The following BRWD1 variants were observed in gnomAD, a reference collection of about 807,000 sequenced individuals.
BRWD1 encodes bromodomain and WD repeat-containing protein 1.
A neutral mutation model predicts 251.2 loss-of-function variants in BRWD1; 82 were observed. The ratio of observed to expected loss-of-function variants is 0.33; its 90% CI spans 0.27 to 0.39. The LOEUF (loss-of-function observed/expected upper bound fraction) is 0.39. Ranked by LOEUF, BRWD1 falls within the 10% of genes least tolerant of loss-of-function variation. The pLI, the probability that BRWD1 is intolerant of heterozygous loss-of-function variation, is 1.00. For missense variants in BRWD1, 2,233 were observed against 2,711.6 expected (o/e 0.82, Z 3.92); for synonymous variants, 918 against 902.8 (o/e 1.02, Z -0.30).
At chr21:39,254,711 TGAA>T (rs1167845019) in intron 19 of BRWD1, among the ~76,000 whole-genome samples, 3 of 152,222 alleles carry the variant, frequency 2.0e-5, no homozygotes, top group African/African-American at 4.8e-5. Context: ...AGATAATAAA[TGAA>T]GAAGTTTTCA....
chr21:39,207,049 T>TATAC, intron 36 of BRWD1, among the ~76,000 whole-genome samples: 1 of 152,358 alleles, frequency 6.6e-6, no homozygotes, highest in Middle Eastern at 3.4e-3. Flanking sequence ...ATGCTTCTCA[T>TATAC]ATACATATAT....
intron 23 of BRWD1, chr21:39,235,629 GA>G: frequency 4.5e-6 from 1 of 222,264 alleles, no homozygotes. Flanking sequence ...ATCTCTAGGA[GA>G]AAAACTCCCC....
In BRWD1 at chr21:39,293,918, T is replaced by C. The variant is rs1430177201; in HGVS notation, c.724A>G (p.Met242Val). Residue 242 changes from methionine (M) to valine (V), a missense_variant, in exon 8 of 41, where the codon ATG becomes GTG. Physicochemically the swap from Met to Val is conservative, Grantham distance 21. This residue lies in a region of BRWD1 where 185 missense variants were observed against 260.6 expected (regional missense o/e 0.71). Coordinates refer to ENST00000342449, the MANE Select transcript of BRWD1 (RefSeq NM_033656.4). ...TTATCACAGCTCCCCGCAGCAATCA[T>C]TGTATTCTCATAGTTTACTGCCATA... ...SDMAVNYENTMIAAGSCDKII... is the reference protein window; with the variant it reads ...SDMAVNYENTVIAAGSCDKII... 3.7e-6 allele frequency: 6 copies of C among 1,614,072 alleles called. No individual in the cohort carries two copies. The highest frequency in any genetic ancestry group is 2.2e-5 in the South Asian group (2 of 91,088).
At chr21:39,292,722 G>C (rs1468870742) in intron 8 of BRWD1, among the ~76,000 whole-genome samples, 3 of 127,276 alleles carry the variant, frequency 2.4e-5, no homozygotes, top group Non-Finnish European at 5.1e-5. Flanking sequence ...AGATAACCTA[G>C]GTCCTTCAAC....
At chr21:39,254,589 A>C (rs140963736) in intron 19 of BRWD1, among the ~76,000 whole-genome samples, 2 of 152,226 alleles carry the variant, frequency 1.3e-5, no homozygotes, top group East Asian at 3.9e-4. Flanking sequence ...TTTGAGGGGA[A>C]ATAAAGCAAA....
intron 32 of BRWD1, 129 bp from the exon 33 acceptor site, chr21:39,213,682 G>T: frequency 3.6e-6 from 2 of 559,178 alleles, no homozygotes; most frequent in Non-Finnish European, 6.1e-6. Flanking sequence ...AGGAATATCA[G>T]GTTTTCCCCC....
intron 27 of BRWD1, among the ~76,000 whole-genome samples, chr21:39,227,461 A>G (rs537339830): frequency 6.6e-6 from 1 of 152,126 alleles, no homozygotes; most frequent in Admixed American, 6.5e-5. Context: ...ATATCCTGAG[A>G]TTAATAATCT....
At chr21:39,278,713 AC>A in intron 10 of BRWD1, 29 bp downstream of exon 10, 1 of 1,520,834 alleles carries the variant, frequency 6.6e-7, no homozygotes, top group Non-Finnish European at 8.8e-7. Flanking sequence ...AAAAAAAAAA[AC>A]TAAGAAAAAA....
rs73359568 is a variant in BRWD1 at position 39,293,624 on chromosome 21, T to A, written c.831+187A>T. Among the ~76,000 whole-genome samples, 463 of 152,360 alleles carry A rather than the reference T, an allele frequency of 3.0e-3. 6 individuals are homozygous for A. The highest frequency in any genetic ancestry group is 0.011 in the African/African-American group (454 of 41,592). On this transcript the variant is annotated intron_variant, in intron 8 of 40. Transcript: ENST00000342449. ...CCCAAAATATCAATAAGCCTTCATG[T>A]AAATATGCATTAGATCTTCATTTCA...
rs2034868729 is a variant in BRWD1 at position 39,264,791 on chromosome 21, C to T, written c.1659+100G>A. On this transcript the variant is annotated intron_variant, in intron 16 of 40. Coordinates refer to ENST00000342449, the MANE Select transcript of BRWD1 (RefSeq NM_033656.4). ...CTAGAAAAACAAGGAAATCAAATCA[C>T]TCAGCTAAACTGTTTCCAAAACATA... The T allele has an allele frequency of 1.3e-5, 20 of 1,523,266 alleles. No homozygotes were observed. The South Asian group carries it at 2.4e-4, about 18-fold the overall frequency. 94.4% of individuals were successfully genotyped at this position (1,523,266 alleles called of 1,614,324 possible). A position where few individuals can be genotyped will look rare whatever the true frequency, so the allele number is the denominator to read the frequency against.
chr21:39,255,588 C>T, intron 19 of BRWD1, 57 bp downstream of exon 19: 1 of 1,397,932 alleles, frequency 7.2e-7, no homozygotes, highest in South Asian at 1.2e-5. Flanking sequence ...GTGTAAATAA[C>T]CATATAAATA....
chr21:39,279,122 A>C (rs1307775719), intron 9 of BRWD1, among the ~76,000 whole-genome samples: 1 of 152,222 alleles, frequency 6.6e-6, no homozygotes, highest in Non-Finnish European at 1.5e-5. Flanking sequence ...CAAATTAATC[A>C]TATTTCCTTT....
In BRWD1 at chr21:39,194,545, A is replaced by G. The variant is rs1301494748; in HGVS notation, c.*1714T>C. The G allele has an allele frequency of 6.9e-7, 1 of 1,442,248 alleles. No individual in the cohort carries two copies. Among genetic ancestry groups the G allele is most frequent in the Non-Finnish European group, 9.1e-7 (1 of 1,104,308 alleles). The allele number at this position is 1,442,248 out of a possible 1,614,324, so 89.3% of individuals were successfully genotyped here. ...GATAGCTCTCTAAGCCACAAATGAG[A>G]GGAGGTTTCCCACCTATCTCAGTTG... On this transcript the variant is annotated 3_prime_UTR_variant, in exon 41 of 41. Coordinates refer to ENST00000342449, the MANE Select transcript of BRWD1 (RefSeq NM_033656.4).
At position 39,276,175 on chromosome 21, in the gene BRWD1, A is replaced by T; in HGVS notation, c.1143T>A (p.Asp381Glu). ...VDSIQFCNNG[D>E]RFLSGSRDGT... ...ACACATACAAAACACACACTTACCG[A>T]TCACCATTGTTACAAAATTGGATAC... Residue 381 changes from aspartate (D) to glutamate (E), a missense_variant and splice_region_variant, in exon 12 of 41, where the codon GAT becomes GAA. Around this residue, in one of 12 missense-constraint regions of BRWD1, gnomAD observed 315 missense variants for 421.8 expected, o/e 0.75. Coordinates refer to ENST00000342449, the MANE Select transcript of BRWD1 (RefSeq NM_033656.4). The T allele has an allele frequency of 6.2e-7, 1 of 1,607,824 alleles. No homozygotes were observed. Among genetic ancestry groups the T allele is most frequent in the Non-Finnish European group, 8.5e-7 (1 of 1,176,286 alleles).
At chr21:39,254,522 A>AAC (rs1437457800) in intron 19 of BRWD1, among the ~76,000 whole-genome samples, 2 of 152,198 alleles carry the variant, frequency 1.3e-5, no homozygotes, top group African/African-American at 4.8e-5. Context: ...TATACATTAA[A>AAC]ACACACACAC....
At chr21:39,278,253 T>C (rs1334276713) in intron 10 of BRWD1, among the ~76,000 whole-genome samples, 1 of 152,168 alleles carries the variant, frequency 6.6e-6, no homozygotes, top group Non-Finnish European at 1.5e-5. Context: ...CAATTCTACA[T>C]ACCTAACCCT....
In BRWD1 at chr21:39,188,647, C is replaced by T; in HGVS notation, c.*7612G>A. ...TGTTCATACAGCTAGACTAATGAGGCAGGCCTCTGCCCTCACAGTGCAAGC... is the reference window on the plus strand; with the variant it reads ...TGTTCATACAGCTAGACTAATGAGGTAGGCCTCTGCCCTCACAGTGCAAGC... On this transcript the variant is annotated 3_prime_UTR_variant, in exon 41 of 41. Coordinates refer to ENST00000342449, the MANE Select transcript of BRWD1 (RefSeq NM_033656.4). 1.0e-6 allele frequency: 1 copy of T among 985,424 alleles called. No homozygotes were observed. The highest frequency in any genetic ancestry group is 1.2e-6 in the Non-Finnish European group (1 of 829,920). The allele number at this position is 985,424 out of a possible 1,614,324, so 61.0% of individuals were successfully genotyped here. A position where few individuals can be genotyped will look rare whatever the true frequency, so the allele number is the denominator to read the frequency against.
chr21:39,251,980 T>C (rs2034409273), intron 19 of BRWD1, among the ~76,000 whole-genome samples: 1 of 152,102 alleles, frequency 6.6e-6, no homozygotes, highest in African/African-American at 2.4e-5. Flanking sequence ...AAAGAATTTT[T>C]ATACGGCCGG....
chr21:39,290,244 C>A (rs1434003278), intron 8 of BRWD1, among the ~76,000 whole-genome samples: 2 of 152,160 alleles, frequency 1.3e-5, no homozygotes, highest in African/African-American at 4.8e-5. Flanking sequence ...AATCCCAGCA[C>A]TTTGGGAGGC....
Sources: gnomAD v4.1 joint callset for allele counts (sites outside exome capture counted in the v4.1 genomes callset) on GRCh38, gnomAD v4.1.1 for gene constraint, gnomAD v4.1.1 regional missense constraint, MANE v1.5 for transcripts, NCBI Gene and HGNC (gene_info 2026-07-23, HGNC 2026-07-21) for gene names.